SH2B1: variants seen among roughly 807,000 people sequenced by gnomAD.
SH2B1 encodes the protein SH2B adaptor protein 1.
SH2B1 carries 15 observed loss-of-function variants against 62.6 expected under a neutral mutation model. The observed-to-expected ratio is 0.24, with a 90% CI of 0.16 to 0.37. SH2B1 has a LOEUF of 0.37. SH2B1 is among the 10% of genes least tolerant of loss of function. SH2B1 has a pLI of 1.00. For missense variants in SH2B1, 925 were observed against 1,015.6 expected, an observed-to-expected ratio of 0.91 and a Z score of 1.21; for synonymous variants, 443 against 438.0, an observed-to-expected ratio of 1.01 and a Z score of -0.14.
rs200118693 is a variant in SH2B1 at position 28,866,465 on chromosome 16, G to T, written c.371G>T (p.Arg124Leu). The change falls in exon 1 of 8, where the codon CGA (arginine) becomes CTA (leucine). Residue 124 changes from arginine (R) to leucine (L), a missense_variant. Transcript: ENST00000684370. The surrounding 1 kb of genome is among the most constrained non-coding windows in gnomAD (Gnocchi z 6.3). ...CCCCTGGCTGTGCTGGGCCCTTCTC[G>T]ATCATCTGAGGACCTGGCCGGCCCC... ...GGPLAVLGPS[R>L]SSEDLAGPLP... 6.8e-6 allele frequency: 11 copies of T among 1,613,782 alleles called. No individual in the cohort carries two copies. The highest frequency in any genetic ancestry group is 9.3e-6 in the Non-Finnish European group (11 of 1,179,996).
chr16:28,871,754 C>G, intron 4 of SH2B1, 26 bp from the exon 5 acceptor site: 2 of 1,592,858 alleles, frequency 1.3e-6, no homozygotes, highest in Middle Eastern at 1.7e-4. Flanking sequence ...TTCTTGGGTT[C>G]TCAGCTTTGC....
At position 28,872,848 on chromosome 16, in the gene SH2B1, C is replaced by T. The variant is rs1368671291; in HGVS notation, c.1897+143C>T. On this transcript the variant is annotated intron_variant, in intron 7 of 7. Coordinates refer to ENST00000684370, the MANE Select transcript of SH2B1 (RefSeq NM_001387430.1). This position sits in a 1 kb window ranked among gnomAD's most constrained non-coding sequence, Gnocchi z 5.3. Reference sequence around the variant, plus strand: ...GAGCAGGGTAGAGGAGGCTGTTGTGCCTCGGGGTTTGGAAGGGAAAGAAAT... The same window carrying T: ...GAGCAGGGTAGAGGAGGCTGTTGTGTCTCGGGGTTTGGAAGGGAAAGAAAT... 16 of 1,143,408 alleles carry T rather than the reference C, an allele frequency of 1.4e-5. No individual in the cohort carries two copies. In the East Asian group the frequency reaches 4.1e-4, roughly 29 times the overall value. 70.8% of individuals were successfully genotyped at this position (1,143,408 alleles called of 1,614,324 possible). A position where few individuals can be genotyped will look rare whatever the true frequency, so the allele number is the denominator to read the frequency against.
In SH2B1 at chr16:28,872,470, G is replaced by A. The variant is rs1963097250; in HGVS notation, c.1726-64G>A. 1 of 1,574,224 alleles carries A rather than the reference G, an allele frequency of 6.4e-7. No individual in the cohort carries two copies. The highest frequency in any genetic ancestry group is 1.2e-5 in the South Asian group (1 of 83,972). On this transcript the variant is annotated intron_variant, in intron 6 of 7. Transcript: ENST00000684370. The surrounding 1 kb of genome is among the most constrained non-coding windows in gnomAD (Gnocchi z 5.3). ...CAGTGGGGTGGGGGAGCACTGCCGG[G>A]GGAGGGGGTTTGTACCTGGCAGGGC... is the stretch of plus-strand genomic sequence containing the variant.
At chr16:28,867,552 G>A (rs532753146) in intron 2 of SH2B1, 120 bp downstream of exon 2, 9 of 729,298 alleles carry the variant, frequency 1.2e-5, no homozygotes, top group Admixed American at 8.3e-5. Flanking sequence ...CCTTGAGAGT[G>A]TGTCCCTGGG....
intron 1 of SH2B1, among the ~76,000 whole-genome samples, chr16:28,855,586 T>C (rs1962301485): frequency 6.6e-6 from 1 of 151,902 alleles, no homozygotes; most frequent in Non-Finnish European, 1.5e-5. Context: ...CTTACTATTT[T>C]GCTTGTTTTC....
chr16:28,848,668 C>CT (rs745489496), intron 1 of SH2B1, among the ~76,000 whole-genome samples: 7,156 of 109,196 alleles, frequency 0.066, 939 homozygotes, highest in African/African-American at 0.25. Context: ...CCGCACTGTC[C>CT]TTTTTTTTTT....
At chr16:28,848,437 C>T (rs926448060) in intron 1 of SH2B1, among the ~76,000 whole-genome samples, 5 of 151,340 alleles carry the variant, frequency 3.3e-5, no homozygotes, top group African/African-American at 1.2e-4. Context: ...GACTCCGTCT[C>T]CAAAAAAAAA....
chr16:28,861,813 C>T (rs971534098), upstream of SH2B1: 2 of 152,236 alleles, frequency 1.3e-5, no homozygotes, highest in South Asian at 2.1e-4. Flanking sequence ...CCAGGATGGG[C>T]ACTTGATCCA....
Position 28,872,662 on chromosome 16 carries a change from T to C in SH2B1, c.1854T>C (p.Asp618=), listed in dbSNP as rs773762545. 6 of 1,614,118 alleles carry C rather than the reference T, an allele frequency of 3.7e-6. No individual in the cohort carries two copies. The East Asian group carries it at 1.1e-4, about 30-fold the overall frequency. Reference sequence around the variant, plus strand: ...CTTTGGAGTCGGGAGGCTCCAGTGATGTTGTCCTTGTCAGCTATGTCCCAT... The same window carrying C: ...CTTTGGAGTCGGGAGGCTCCAGTGACGTTGTCCTTGTCAGCTATGTCCCAT... ...PIPLESGGSS[D]VVLVSYVPSS... The change falls in exon 7 of 8, where the codon GAT becomes GAC. Residue 618 remains aspartate, a synonymous_variant. Transcript: ENST00000684370. The surrounding 1 kb of genome is among the most constrained non-coding windows in gnomAD (Gnocchi z 5.3).
chr16:28,872,080 G>A lies in SH2B1; in HGVS notation c.1513+97G>A, dbSNP rs1239668328. 1 of 1,358,466 alleles carries A rather than the reference G, an allele frequency of 7.4e-7. No homozygotes were observed. The highest frequency in any genetic ancestry group is 1.0e-6 in the Non-Finnish European group (1 of 958,510). The allele number at this position is 1,358,466 out of a possible 1,614,324, so 84.2% of individuals were successfully genotyped here. Reference sequence around the variant, plus strand: ...CGAGGGAGCTGGCCCAGGGGAGTTGGGGACGCATGTGGGGAGCAGGCGCCT... The same window carrying A: ...CGAGGGAGCTGGCCCAGGGGAGTTGAGGACGCATGTGGGGAGCAGGCGCCT... On this transcript the variant is annotated intron_variant, in intron 5 of 7. Coordinates refer to ENST00000684370, the MANE Select transcript of SH2B1 (RefSeq NM_001387430.1). The surrounding 1 kb of genome is among the most constrained non-coding windows in gnomAD (Gnocchi z 5.3).
chr16:28,868,712 T>A (rs1387458421), intron 2 of SH2B1, among the ~76,000 whole-genome samples: 1 of 152,160 alleles, frequency 6.6e-6, no homozygotes, highest in Non-Finnish European at 1.5e-5. Context: ...CTCCTTGGCC[T>A]CTCAAAGTGC....
upstream of SH2B1, chr16:28,846,621 T>C (rs909471940): frequency 2.9e-6 from 1 of 348,798 alleles, no homozygotes; most frequent in African/African-American, 2.1e-5. Flanking sequence ...AGTTCTCAGG[T>C]CGGCGGGCTG....
In SH2B1 at chr16:28,873,744, A is replaced by T. The variant is rs998944409; in HGVS notation, c.2195A>T (p.Gln732Leu). ...DAGVPPMVQLQQSPLGGDGEE... is the reference protein window; with the variant it reads ...DAGVPPMVQLLQSPLGGDGEE... ...GGGGTGCCCCCAATGGTGCAGCTGC[A>T]GCAGTCACCACTAGGGGGTGATGGA... Residue 732 changes from glutamine to leucine, a missense_variant, in exon 8 of 8, where the codon CAG (glutamine) becomes CTG (leucine). Gln to Leu is a moderately radical substitution (Grantham distance 113, BLOSUM62 -2). Coordinates refer to ENST00000684370, the MANE Select transcript of SH2B1 (RefSeq NM_001387430.1). This position sits in a 1 kb window ranked among gnomAD's most constrained non-coding sequence, Gnocchi z 4.2. The T allele has an allele frequency of 6.5e-5, 96 of 1,487,818 alleles. No homozygotes were observed. Among genetic ancestry groups the T allele is most frequent in the Non-Finnish European group, 8.3e-5 (93 of 1,118,404 alleles). 92.2% of individuals were successfully genotyped at this position (1,487,818 alleles called of 1,614,324 possible).
At position 28,873,022 on chromosome 16, in the gene SH2B1, C is replaced by G; in HGVS notation, c.1897+317C>G. 1.5e-6 allele frequency: 1 copy of G among 657,364 alleles called. No individual in the cohort carries two copies. The highest frequency in any genetic ancestry group is 2.6e-6 in the Non-Finnish European group (1 of 386,936). 40.7% of individuals were successfully genotyped at this position (657,364 alleles called of 1,614,324 possible). A position where few individuals can be genotyped will look rare whatever the true frequency, so the allele number is the denominator to read the frequency against. On this transcript the variant is annotated intron_variant, in intron 7 of 7. Transcript: ENST00000684370. The surrounding 1 kb of genome is among the most constrained non-coding windows in gnomAD (Gnocchi z 4.2). ...CCATCCTGGCCTCGTCTTTGCCCTCCGTCGCAGCCTGGCCTTGGGCCTGCC... is the reference window on the plus strand; with the variant it reads ...CCATCCTGGCCTCGTCTTTGCCCTCGGTCGCAGCCTGGCCTTGGGCCTGCC...
At chr16:28,849,513 T>C (rs1181581349) in intron 1 of SH2B1, among the ~76,000 whole-genome samples, 6 of 152,172 alleles carry the variant, frequency 3.9e-5, no homozygotes, top group Non-Finnish European at 8.8e-5. Flanking sequence ...TTTGAATTAA[T>C]GGTTTATATT....
intron 1 of SH2B1, among the ~76,000 whole-genome samples, chr16:28,852,680 TTACATATATATTTATATATA>T (rs1567458975): frequency 1.4e-5 from 1 of 73,576 alleles, no homozygotes; most frequent in Non-Finnish European, 2.3e-5. Context: ...ATATATATAT[TTACATATATATTTATATATA>T]TACATATATA....
intron 1 of SH2B1, among the ~76,000 whole-genome samples, chr16:28,849,985 G>A (rs1203631739): frequency 1.3e-5 from 2 of 152,184 alleles, no homozygotes; most frequent in African/African-American, 4.8e-5. Flanking sequence ...GGAAGGTAGT[G>A]AATGAATGGC....
intron 1 of SH2B1, among the ~76,000 whole-genome samples, chr16:28,858,833 G>A (rs1192625728): frequency 6.6e-6 from 1 of 151,266 alleles, no homozygotes; most frequent in Non-Finnish European, 1.5e-5. Flanking sequence ...TCAGCTATTC[G>A]GGAGGCTGAG....
exon 1 of SH2B1, chr16:28,846,743 G>C (rs562255885): frequency 6.2e-6 from 1 of 162,094 alleles, no homozygotes; most frequent in South Asian, 1.6e-4. Context: ...TCCTGGGCCC[G>C]GCAGAGAGAG....
Sources: allele counts gnomAD v4.1 joint callset (sites outside exome capture counted in the v4.1 genomes callset), GRCh38; gene constraint gnomAD v4.1.1; non-coding constraint Gnocchi (gnomAD v3.1); transcripts MANE v1.5; gene names NCBI Gene and HGNC (gene_info 2026-07-23, HGNC 2026-07-21).